ADCY9: variants seen among roughly 807,000 people sequenced by gnomAD.
ADCY9 encodes adenylate cyclase 9, also known as adenylate cyclase type 9.
In ADCY9, 50 loss-of-function variants were observed where a neutral mutation model predicts 101.5. The ratio of observed to expected loss-of-function variants is 0.49; its 90% CI spans 0.39 to 0.62. ADCY9 has a LOEUF of 0.62. Ranked by LOEUF, ADCY9 falls within the 20% of genes least tolerant of loss-of-function variation. The probability of loss-of-function intolerance (pLI) is 0.00; values close to 1 mark genes in which losing one functional copy is unlikely to be tolerated. For missense variants in ADCY9, 1,662 were observed against 1,800.4 expected (o/e 0.92, Z 1.39); for synonymous variants, 905 against 769.3 (o/e 1.18, Z -2.92).
chr16:3,993,230 A>T, intron 4 of ADCY9, 176 bp downstream of exon 4: 3 of 1,168,782 alleles, frequency 2.6e-6, no homozygotes, highest in Non-Finnish European at 3.5e-6. Context: ...GTTGCTGCTG[A>T]CCCTCCCTCG....
At chr16:4,094,750 C>T (rs1013135569) in intron 2 of ADCY9, among the ~76,000 whole-genome samples, 1 of 152,066 alleles carries the variant, frequency 6.6e-6, no homozygotes, top group Admixed American at 6.5e-5. Flanking sequence ...AACACCGCCT[C>T]ACCCAGGCAA....
intron 5 of ADCY9, among the ~76,000 whole-genome samples, chr16:3,954,446 C>A (rs1157240522): frequency 6.6e-6 from 1 of 152,144 alleles, no homozygotes; most frequent in Non-Finnish European, 1.5e-5. Context: ...CTTTCTGAGC[C>A]GGGATCAGGC....
Position 4,067,080 on chromosome 16 carries a change from G to A in ADCY9, c.1693+46670C>T, listed in dbSNP as rs1333006873. On this transcript the variant is annotated intron_variant, in intron 2 of 10. Transcript: ENST00000294016. ...GCGGCTGATGCCCAGCTCTATGAAA[G>A]AGTTTTAAGAACTGAAATAACTTAA... Among the ~76,000 whole-genome samples the A allele has an allele frequency of 7.2e-5, 11 of 152,188 alleles. No homozygotes were observed. The East Asian group carries it at 2.1e-3, about 29-fold the overall frequency.
In ADCY9 at chr16:4,114,617, C is replaced by T. The variant is rs1028325436; in HGVS notation, c.826G>A (p.Ala276Thr). ...EACFPSPGAG[A>T]LHWELLSRGL... ...CTGCTCAGCAGCTCCCAGTGCAGGGCCCCGGCTCCGGGCGAGGGGAAGCAG... is the reference window on the plus strand; with the variant it reads ...CTGCTCAGCAGCTCCCAGTGCAGGGTCCCGGCTCCGGGCGAGGGGAAGCAG... The change falls in exon 2 of 11, where the codon GCC (alanine) becomes ACC (threonine). Residue 276 changes from alanine to threonine, a missense_variant. Physicochemically the swap from Ala to Thr is moderately conservative, Grantham distance 58. Coordinates refer to ENST00000294016, the MANE Select transcript of ADCY9 (RefSeq NM_001116.4). This position sits in a 1 kb window ranked among gnomAD's most constrained non-coding sequence, Gnocchi z 4.3. 6.2e-7 allele frequency: 1 copy of T among 1,613,736 alleles called. No homozygotes were observed. The highest frequency in any genetic ancestry group is 8.5e-7 in the Non-Finnish European group (1 of 1,180,034).
At position 4,007,382 on chromosome 16, in the gene ADCY9, A is replaced by G. The variant is rs752375588; in HGVS notation, c.1870T>C (p.Phe624Leu). ...VSDLAQTVKT[F>L]DNLKTCPSCG... Reference sequence around the variant, plus strand: ...AAAAAACTAACCTTAAGGTTATCAAAGGTTTTGACAGTCTGCGCCAAGTCA... The same window carrying G: ...AAAAAACTAACCTTAAGGTTATCAAGGGTTTTGACAGTCTGCGCCAAGTCA... Residue 624 changes from phenylalanine (F) to leucine (L), a missense_variant, in exon 3 of 11, where the codon TTT (phenylalanine) becomes CTT (leucine). Physicochemically the swap from Phe to Leu is conservative, Grantham distance 22. Transcript: ENST00000294016. 1 of 1,570,580 alleles carries G rather than the reference A, an allele frequency of 6.4e-7. No individual in the cohort carries two copies. Among genetic ancestry groups the G allele is most frequent in the Admixed American group, 2.1e-5 (1 of 48,170 alleles).
intron 2 of ADCY9, among the ~76,000 whole-genome samples, chr16:4,082,199 G>C (rs1347253098): frequency 6.6e-6 from 1 of 151,822 alleles, no homozygotes; most frequent in African/African-American, 2.4e-5. Flanking sequence ...AACATAGCGA[G>C]ACCCTGTCTC....
chr16:4,030,732 G>A (rs1044337671), intron 2 of ADCY9, among the ~76,000 whole-genome samples: 2 of 151,920 alleles, frequency 1.3e-5, no homozygotes, highest in Non-Finnish European at 2.9e-5. Context: ...CACACTGCAG[G>A]TTCCATTTGT....
rs1222522615 is a variant in ADCY9 at position 3,964,933 on chromosome 16, C to T, written c.*842G>A. ...CCTCGGATGTTTATTTGGTATTTCCCTCTCCGATGAGTCAGCTTCCAGGAC... is the reference window on the plus strand; with the variant it reads ...CCTCGGATGTTTATTTGGTATTTCCTTCTCCGATGAGTCAGCTTCCAGGAC... On this transcript the variant is annotated 3_prime_UTR_variant, in exon 11 of 11. Transcript: ENST00000294016. 4 of 152,258 alleles carry T rather than the reference C, an allele frequency of 2.6e-5. No individual in the cohort carries two copies. In the East Asian group the frequency reaches 7.7e-4, roughly 29 times the overall value. The allele number at this position is 152,258 out of a possible 1,614,324, so 9.4% of individuals were successfully genotyped here.
intron 2 of ADCY9, among the ~76,000 whole-genome samples, chr16:4,056,506 G>A (rs1366554695): frequency 1.3e-5 from 2 of 152,100 alleles, no homozygotes; most frequent in African/African-American, 2.4e-5. Flanking sequence ...CACCCACCTC[G>A]GCCTCCCAGA....
Position 4,007,504 on chromosome 16 carries a change from C to G in ADCY9, c.1748G>C (p.Cys583Ser), listed in dbSNP as rs1471821175. 1 of 1,614,060 alleles carries G rather than the reference C, an allele frequency of 6.2e-7. No individual in the cohort carries two copies. Among genetic ancestry groups the G allele is most frequent in the South Asian group, 1.1e-5 (1 of 91,082 alleles). Reference protein sequence around the residue: ...GQRAKESRCSCAEALLSGFEV... With the variant: ...GQRAKESRCSSAEALLSGFEV... ...AAAGCCAGAAAGCAAGGCCTCTGCA[C>G]AGCTGCAGCGAGACTCCTTGGCTCT... The change falls in exon 3 of 11, where the codon TGT (cysteine) becomes TCT (serine). Residue 583 changes from cysteine (C) to serine (S), a missense_variant. Physicochemically the swap from Cys to Ser is moderately radical, Grantham distance 112. Around this residue, in one of 5 missense-constraint regions of ADCY9, gnomAD observed 624 missense variants for 639.1 expected, o/e 0.98. Transcript: ENST00000294016.
chr16:4,111,386 C>T (rs1474687496), intron 2 of ADCY9, among the ~76,000 whole-genome samples: 1 of 152,182 alleles, frequency 6.6e-6, no homozygotes, highest in Non-Finnish European at 1.5e-5. Context: ...CGGGTTCAAA[C>T]AATTCTCCTG....
rs975854352 is a variant in ADCY9, at chr16:3,965,493, C to G, written c.*282G>C. 4.4e-5 allele frequency: 21 copies of G among 477,614 alleles called. No homozygotes were observed. The East Asian group carries it at 6.9e-4, about 16-fold the overall frequency. The allele number at this position is 477,614 out of a possible 1,614,324, so 29.6% of individuals were successfully genotyped here. A position where few individuals can be genotyped will look rare whatever the true frequency, so the allele number is the denominator to read the frequency against. On this transcript the variant is annotated 3_prime_UTR_variant, in exon 11 of 11. Coordinates refer to ENST00000294016, the MANE Select transcript of ADCY9 (RefSeq NM_001116.4). ...TGATCTCCACTGGCGGCCTCTGTCC[C>G]GAGACTCGAGGCCGAGGCCAGCCCT...
chr16:4,024,141 GCCT>G (rs1375488909), intron 2 of ADCY9, among the ~76,000 whole-genome samples: 1 of 151,640 alleles, frequency 6.6e-6, no homozygotes, highest in Non-Finnish European at 1.5e-5. Context: ...TCCTGCCTCA[GCCT>G]CCTGAGTAGC....
At chr16:4,052,904 A>C (rs1352153788) in intron 2 of ADCY9, among the ~76,000 whole-genome samples, 3 of 152,170 alleles carry the variant, frequency 2.0e-5, no homozygotes. Flanking sequence ...GCATAATCAC[A>C]AGTTGCTTCT....
chr16:4,082,739 C>T (rs907114595), intron 2 of ADCY9, among the ~76,000 whole-genome samples: 1 of 151,566 alleles, frequency 6.6e-6, no homozygotes, highest in African/African-American at 2.4e-5. Context: ...CACACCCACG[C>T]ATGGACGCAC....
At chr16:3,973,564 T>G (rs1437961288) in intron 10 of ADCY9, among the ~76,000 whole-genome samples, 1 of 152,106 alleles carries the variant, frequency 6.6e-6, no homozygotes, top group African/African-American at 2.4e-5. Context: ...AAGGACACCA[T>G]CACAGCTCAA....
chr16:4,049,218 G>A (rs888252524), intron 2 of ADCY9, among the ~76,000 whole-genome samples: 1 of 152,190 alleles, frequency 6.6e-6, no homozygotes, highest in Admixed American at 6.5e-5. Flanking sequence ...CACAGCGTGG[G>A]CATCCTCTCC....
intron 2 of ADCY9, among the ~76,000 whole-genome samples, chr16:4,018,143 C>A (rs1047331927): frequency 6.6e-6 from 1 of 152,170 alleles, no homozygotes; most frequent in African/African-American, 2.4e-5. Context: ...GCCACCGAGG[C>A]TGCGGAGCCA....
At chr16:3,970,922 A>G (rs1158073799) in intron 10 of ADCY9, among the ~76,000 whole-genome samples, 2 of 152,164 alleles carry the variant, frequency 1.3e-5, no homozygotes, top group Admixed American at 1.3e-4. Flanking sequence ...GGTTCCGTGC[A>G]GGAAAGGCCT....
Sources: allele counts gnomAD v4.1 joint callset (sites outside exome capture counted in the v4.1 genomes callset), GRCh38; gene constraint gnomAD v4.1.1; regional missense constraint gnomAD v4.1.1; non-coding constraint Gnocchi (gnomAD v3.1); transcripts MANE v1.5; gene names NCBI Gene and HGNC (gene_info 2026-07-23, HGNC 2026-07-21).